Variants in KCNMB2 observed in about 807,000 individuals in gnomAD.
KCNMB2 encodes the protein calcium-activated potassium channel subunit beta-2.
A neutral mutation model predicts 24.5 loss-of-function variants in KCNMB2; 9 were observed. That is an observed-to-expected ratio of 0.37 (90% CI 0.22 to 0.64). The LOEUF (loss-of-function observed/expected upper bound fraction) is 0.64. Ranked by LOEUF, KCNMB2 falls within the 30% of genes least tolerant of loss-of-function variation. KCNMB2 has a pLI of 0.63. For missense variants in KCNMB2, 226 were observed against 284.3 expected (o/e 0.79, Z 1.47); for synonymous variants, 109 against 104.4 (o/e 1.04, Z -0.27).
chr3:178,794,135 C>T lies in KCNMB2; in HGVS notation c.-67-13208C>T, dbSNP rs150443517. ...AACACTAAGGGCCTGGTGAACACTACGCCTTTGCAGAACACCACCAACAAC... is the reference window on the plus strand; with the variant it reads ...AACACTAAGGGCCTGGTGAACACTATGCCTTTGCAGAACACCACCAACAAC... On this transcript the variant is annotated intron_variant, in intron 1 of 4. Coordinates refer to ENST00000452583, the MANE Select transcript of KCNMB2 (RefSeq NM_181361.3). 3.4e-3 allele frequency among the ~76,000 whole-genome samples: 515 copies of T among 152,270 alleles called. 2 individuals carry two copies. The highest frequency in any genetic ancestry group is 0.012 in the African/African-American group (498 of 41,566).
chr3:178,810,811 T>G (rs1178949877), intron 2 of KCNMB2, among the ~76,000 whole-genome samples: 1 of 152,042 alleles, frequency 6.6e-6, no homozygotes. Context: ...CTTGGCTCAC[T>G]GCAACCTCCG....
At chr3:178,556,652 A>G (rs1716135311) in intron 1 of KCNMB2, among the ~76,000 whole-genome samples, 1 of 152,048 alleles carries the variant, frequency 6.6e-6, no homozygotes, top group Non-Finnish European at 1.5e-5. Context: ...TGATCCACCC[A>G]CCTCGGCCTC....
intron 1 of KCNMB2, among the ~76,000 whole-genome samples, chr3:178,806,338 T>C (rs1256095131): frequency 1.3e-5 from 2 of 152,182 alleles, no homozygotes; most frequent in East Asian, 3.8e-4. Flanking sequence ...TGCATGTTCA[T>C]TTCATGAAAT....
chr3:178,677,299 C>A (rs781571569), intron 1 of KCNMB2, among the ~76,000 whole-genome samples: 5 of 152,158 alleles, frequency 3.3e-5, no homozygotes, highest in Non-Finnish European at 7.3e-5. Flanking sequence ...AACGAAAACA[C>A]CAGACACCAT....
At chr3:178,788,568 TATG>T (rs1253853838) in intron 1 of KCNMB2, among the ~76,000 whole-genome samples, 1 of 152,176 alleles carries the variant, frequency 6.6e-6, no homozygotes, top group Non-Finnish European at 1.5e-5. Flanking sequence ...GGAAATCCTG[TATG>T]ATATCTGCTG....
intron 1 of KCNMB2, among the ~76,000 whole-genome samples, chr3:178,740,674 CAG>C (rs2108376959): frequency 6.6e-6 from 1 of 152,338 alleles, no homozygotes; most frequent in African/African-American, 2.4e-5. Context: ...TCACCATCAG[CAG>C]AGTTATTGTT....
chr3:178,618,329 A>G (rs1470130013), intron 1 of KCNMB2, among the ~76,000 whole-genome samples: 1 of 152,192 alleles, frequency 6.6e-6, no homozygotes, highest in Non-Finnish European at 1.5e-5. Flanking sequence ...ACAGTGTGCC[A>G]GATACCTTGC....
chr3:178,561,698 T>C (rs965638378), intron 1 of KCNMB2, among the ~76,000 whole-genome samples: 1 of 152,242 alleles, frequency 6.6e-6, no homozygotes, highest in Non-Finnish European at 1.5e-5. Flanking sequence ...ATTCAAAACA[T>C]ACTTTATGCC....
chr3:178,827,073 T>C (rs9826474), intron 3 of KCNMB2, among the ~76,000 whole-genome samples: 98,194 of 151,984 alleles, frequency 0.65, 33,612 homozygotes, highest in African/African-American at 0.87. Context: ...TGCAAAGGGG[T>C]AGGAAGCTGT....
Position 178,580,033 on chromosome 3 carries a change from T to A in KCNMB2, c.-68+43322T>A, listed in dbSNP as rs576349811. Among the ~76,000 whole-genome samples, 9 of 152,234 alleles carry A rather than the reference T, an allele frequency of 5.9e-5. 1 individual carries two copies. In the South Asian group the frequency reaches 1.0e-3, roughly 18 times the overall value. On this transcript the variant is annotated intron_variant, in intron 1 of 4. Coordinates refer to ENST00000452583, the MANE Select transcript of KCNMB2 (RefSeq NM_181361.3). ...AACTCATTTTATGAGACCAGCATCA[T>A]CCTGATACAAAAACCTGGCAGACAC...
intron 1 of KCNMB2, among the ~76,000 whole-genome samples, chr3:178,557,805 A>G (rs1177924171): frequency 6.6e-6 from 1 of 152,150 alleles, no homozygotes; most frequent in African/African-American, 2.4e-5. Context: ...TATCTTGGAG[A>G]TTATCTCACC....
intron 1 of KCNMB2, among the ~76,000 whole-genome samples, chr3:178,786,644 G>A (rs371700632): frequency 5.9e-5 from 9 of 151,866 alleles, no homozygotes; most frequent in Admixed American, 3.3e-4. Flanking sequence ...ATTCATTTAC[G>A]AGTTAATGGG....
intron 1 of KCNMB2, among the ~76,000 whole-genome samples, chr3:178,799,209 A>G (rs1713676883): frequency 6.6e-6 from 1 of 152,144 alleles, no homozygotes; most frequent in Non-Finnish European, 1.5e-5. Flanking sequence ...GAAATAGAAG[A>G]CATCCAAATT....
intron 1 of KCNMB2, among the ~76,000 whole-genome samples, chr3:178,699,151 G>A (rs1721991388): frequency 6.6e-6 from 1 of 152,220 alleles, no homozygotes; most frequent in Admixed American, 6.5e-5. Flanking sequence ...GTGTTGGCTT[G>A]GGGCAGGATG....
intron 1 of KCNMB2, among the ~76,000 whole-genome samples, chr3:178,742,915 G>A (rs955597880): frequency 6.6e-6 from 1 of 152,122 alleles, no homozygotes; most frequent in Non-Finnish European, 1.5e-5. Context: ...AACATCACTA[G>A]GGCCTTGTCC....
At chr3:178,564,518 T>C (rs564230906) in intron 1 of KCNMB2, among the ~76,000 whole-genome samples, 46 of 152,250 alleles carry the variant, frequency 3.0e-4, no homozygotes, top group African/African-American at 1.1e-3. Context: ...AGTAGAGTAG[T>C]TGGAAAGTAA....
intron 1 of KCNMB2, among the ~76,000 whole-genome samples, chr3:178,545,561 A>T (rs985810962): frequency 6.6e-6 from 1 of 152,252 alleles, no homozygotes; most frequent in Non-Finnish European, 1.5e-5. Flanking sequence ...GACATGCTGC[A>T]TAAGGCACTT....
intron 1 of KCNMB2, among the ~76,000 whole-genome samples, chr3:178,756,802 A>AT (rs1370438882): frequency 6.6e-6 from 1 of 152,072 alleles, no homozygotes; most frequent in East Asian, 1.9e-4. Context: ...ATTGCTTAGC[A>AT]TTGGGCTTAG....
At chr3:178,807,905 AAAT>A (rs897250475) in intron 2 of KCNMB2, among the ~76,000 whole-genome samples, 6 of 151,522 alleles carry the variant, frequency 4.0e-5, no homozygotes, top group African/African-American at 9.7e-5. Context: ...TAACAACAAA[AAAT>A]AATAAAAATA....
Sources: allele counts gnomAD v4.1 joint callset (sites outside exome capture counted in the v4.1 genomes callset), GRCh38; gene constraint gnomAD v4.1.1; transcripts MANE v1.5; gene names NCBI Gene and HGNC (gene_info 2026-07-23, HGNC 2026-07-21).